The following UTRN variants were observed in gnomAD, a reference collection of about 807,000 sequenced individuals.
UTRN encodes the protein dystrophin-related protein 1.
UTRN carries 283 observed loss-of-function variants against 463.9 expected under a neutral mutation model. The observed-to-expected ratio is 0.61, with a 90% CI of 0.55 to 0.67. The LOEUF (loss-of-function observed/expected upper bound fraction) is 0.67. UTRN is among the 30% of genes least tolerant of loss of function. UTRN has a pLI of 0.00. For missense variants in UTRN, 3,922 were observed against 4,084.3 expected (o/e 0.96, Z 1.08); for synonymous variants, 1,442 against 1,431.5 (o/e 1.01, Z -0.17).
intron 8 of UTRN, 112 bp from the exon 9 acceptor site, chr6:144,429,469 T>C: frequency 1.1e-6 from 1 of 901,788 alleles, no homozygotes; most frequent in Non-Finnish European, 1.6e-6. Flanking sequence ...AAAGATTATA[T>C]ATTAGGTATT....
chr6:144,654,218 A>G (rs1465718154), intron 51 of UTRN, among the ~76,000 whole-genome samples: 2 of 152,228 alleles, frequency 1.3e-5, no homozygotes, highest in African/African-American at 2.4e-5. Flanking sequence ...AGAATGCAGA[A>G]TGGGTTCCTA....
chr6:144,593,472 G>A (rs1456564605), intron 51 of UTRN, among the ~76,000 whole-genome samples: 1 of 152,196 alleles, frequency 6.6e-6, no homozygotes, highest in African/African-American at 2.4e-5. Context: ...CGACCAATCA[G>A]AGGCTGAAGG....
At chr6:144,806,585 T>TCTTTTAC (rs1778171297) in intron 65 of UTRN, among the ~76,000 whole-genome samples, 1 of 102,150 alleles carries the variant, frequency 9.8e-6, no homozygotes, top group African/African-American at 3.4e-5. Flanking sequence ...TGTCTTTCCA[T>TCTTTTAC]TCATTCTCTG....
chr6:144,696,341 C>T lies in UTRN; in HGVS notation c.7653-3746C>T, dbSNP rs1437759608. On this transcript the variant is annotated intron_variant, in intron 52 of 74. Coordinates refer to ENST00000367545, the MANE Select transcript of UTRN (RefSeq NM_007124.3). ...ACTGGTTAATACAATTGCTGCTAGC[C>T]ATATGTGGCCTAATGAGCACTTGAA... 1.2e-4 allele frequency among the ~76,000 whole-genome samples: 18 copies of T among 152,094 alleles called. 1 individual carries two copies. Among genetic ancestry groups the T allele is most frequent in the Admixed American group, 1.2e-3 (18 of 15,276 alleles).
At chr6:144,335,711 C>T (rs535026977) in intron 2 of UTRN, among the ~76,000 whole-genome samples, 2 of 152,282 alleles carry the variant, frequency 1.3e-5, no homozygotes, top group South Asian at 2.1e-4. Context: ...TGCTGAATCT[C>T]GTGGCTCATA....
rs1586383116 is a variant in UTRN, at chr6:144,752,015, C to T, written c.8355+63C>T. ...CTTGGGTGGTCTTTAAACCCTACCT[C>T]ACTATATTACCACTCACCGTTTTCT... On this transcript the variant is annotated intron_variant, in intron 56 of 74. Coordinates refer to ENST00000367545, the MANE Select transcript of UTRN (RefSeq NM_007124.3). 27 of 1,438,188 alleles carry T rather than the reference C, an allele frequency of 1.9e-5. No individual in the cohort carries two copies. The East Asian group carries it at 6.2e-4, about 33-fold the overall frequency. 89.1% of individuals were successfully genotyped at this position (1,438,188 alleles called of 1,614,324 possible).
chr6:144,550,197 T>C (rs530339166), intron 47 of UTRN, among the ~76,000 whole-genome samples: 110 of 152,190 alleles, frequency 7.2e-4, no homozygotes, highest in Non-Finnish European at 1.2e-3. Context: ...TCAGTATTCA[T>C]TACCATGTGC....
intron 9 of UTRN, among the ~76,000 whole-genome samples, chr6:144,434,316 A>G (rs1387245226): frequency 2.1e-5 from 3 of 139,730 alleles, no homozygotes; most frequent in African/African-American, 5.2e-5. Flanking sequence ...TCGGCTCGGC[A>G]TCAGAGGGAG....
chr6:144,590,822 GTCTC>G lies in UTRN; in HGVS notation c.7479+13547_7479+13550del, dbSNP rs1208535446. ...TTTTCAGAAGATAGGGTTGGAATTA[GTCTC>G]TCTCTCTCTCTCAATCTACACACAC... On this transcript the variant is annotated intron_variant, in intron 51 of 74. Coordinates refer to ENST00000367545, the MANE Select transcript of UTRN (RefSeq NM_007124.3). Among the ~76,000 whole-genome samples the G allele has an allele frequency of 5.1e-4, 74 of 145,056 alleles. 2 individuals carry two copies. In the South Asian group the frequency reaches 9.6e-3, roughly 19 times the overall value.
At chr6:144,822,925 CAA>C (rs1396145435) in intron 66 of UTRN, among the ~76,000 whole-genome samples, 1 of 152,082 alleles carries the variant, frequency 6.6e-6, no homozygotes, top group African/African-American at 2.4e-5. Context: ...TTTTGCATCA[CAA>C]ATATCTACAC....
intron 34 of UTRN, among the ~76,000 whole-genome samples, chr6:144,508,058 A>G (rs1794836856): frequency 6.6e-6 from 1 of 152,118 alleles, no homozygotes; most frequent in Non-Finnish European, 1.5e-5. Flanking sequence ...CTGCCTACTC[A>G]AGCCTCAGTA....
intron 9 of UTRN, among the ~76,000 whole-genome samples, chr6:144,431,291 C>T (rs541247791): frequency 4.8e-4 from 73 of 152,210 alleles, no homozygotes; most frequent in Non-Finnish European, 9.0e-4. Flanking sequence ...ATAATCACTT[C>T]TGTTTAGGGC....
chr6:144,405,876 G>A (rs1783351201), intron 3 of UTRN, among the ~76,000 whole-genome samples: 1 of 152,184 alleles, frequency 6.6e-6, no homozygotes. Flanking sequence ...AAAAAATGGT[G>A]AGAGACTTTA....
intron 2 of UTRN, chr6:144,344,107 AAAAC>A: frequency 8.6e-7 from 1 of 1,160,134 alleles, no homozygotes; most frequent in Non-Finnish European, 1.1e-6. Context: ...AAAAAAAAAA[AAAAC>A]CCAAAATAAC....
intron 51 of UTRN, among the ~76,000 whole-genome samples, chr6:144,668,352 G>T (rs557243984): frequency 1.3e-5 from 2 of 152,114 alleles, no homozygotes; most frequent in African/African-American, 2.4e-5. Context: ...GAATGCATGG[G>T]TGTGCTTACT....
intron 34 of UTRN, among the ~76,000 whole-genome samples, chr6:144,509,710 A>G (rs992103860): frequency 3.3e-5 from 5 of 152,288 alleles, no homozygotes; most frequent in Admixed American, 6.5e-5. Context: ...ATTATTTTCA[A>G]TGCAAAGCTT....
intron 6 of UTRN, among the ~76,000 whole-genome samples, chr6:144,426,019 A>G (rs1029683323): frequency 1.3e-5 from 2 of 152,232 alleles, no homozygotes; most frequent in African/African-American, 2.4e-5. Flanking sequence ...GTAACCAAAC[A>G]TAGTACAAGT....
At chr6:144,821,284 T>G (rs1315254642) in intron 66 of UTRN, among the ~76,000 whole-genome samples, 1 of 152,180 alleles carries the variant, frequency 6.6e-6, no homozygotes, top group Non-Finnish European at 1.5e-5. Flanking sequence ...TGGTCATCTC[T>G]TTTGTTGGTC....
intron 39 of UTRN, among the ~76,000 whole-genome samples, chr6:144,519,574 C>T (rs1277647915): frequency 1.3e-5 from 2 of 152,076 alleles, no homozygotes; most frequent in African/African-American, 2.4e-5. Flanking sequence ...AAGTCTCGGT[C>T]AGATCTCGAG....
Sources: gnomAD v4.1 joint callset for allele counts (sites outside exome capture counted in the v4.1 genomes callset) on GRCh38, gnomAD v4.1.1 for gene constraint, MANE v1.5 for transcripts, NCBI Gene and HGNC (gene_info 2026-07-23, HGNC 2026-07-21) for gene names.